Variants in GNG4 observed in about 807,000 individuals in gnomAD.
GNG4 encodes guanine nucleotide-binding protein G(I)/G(S)/G(O) subunit gamma-4.
GNG4 carries 4 observed loss-of-function variants against 5.8 expected under a neutral mutation model. The observed-to-expected ratio is 0.69, with a 90% CI of 0.34 to 1.57. GNG4 has a LOEUF of 1.57. GNG4 is among the 40% of genes most tolerant of loss of function. The pLI is 0.06. For missense variants in GNG4, 96 were observed against 95.1 expected, an observed-to-expected ratio of 1.01 and a Z score of -0.04; for synonymous variants, 29 against 32.9, an observed-to-expected ratio of 0.88 and a Z score of 0.41.
chr1:235,616,421 G>A, intron 1 of GNG4: 1 of 297,792 alleles, frequency 3.4e-6, no homozygotes, highest in Non-Finnish European at 6.5e-6. Context: ...GAGCCTGTGG[G>A]ATGGGAAGTC....
Position 235,565,242 on chromosome 1 carries a change from T to A in GNG4, c.100-13005A>T, listed in dbSNP as rs145747007. On this transcript the variant is annotated intron_variant, in intron 3 of 3. Coordinates refer to ENST00000391854, the MANE Select transcript of GNG4 (RefSeq NM_001098722.2). The stretch of plus-strand genomic sequence containing the variant: ...AGTTGGCCCAGCGCAGTGGCATGCC[T>A]GTAATCCCAGCAATTTGGGAGGCCG... Among the ~76,000 whole-genome samples the A allele has an allele frequency of 1.8e-3, 276 of 152,134 alleles. 3 individuals carry two copies. The highest frequency in any genetic ancestry group is 0.016 in the Admixed American group (238 of 15,288).
At chr1:235,592,155 G>A (rs1187064684) in intron 2 of GNG4, among the ~76,000 whole-genome samples, 1 of 152,142 alleles carries the variant, frequency 6.6e-6, no homozygotes, top group Non-Finnish European at 1.5e-5. Context: ...AGCTGGCACA[G>A]AGACCTCAGA....
rs12027187 is a variant in GNG4, at chr1:235,627,041, G to A, written c.-123+22621C>T. Among the ~76,000 whole-genome samples, 38 of 144,980 alleles carry A rather than the reference G, an allele frequency of 2.6e-4. No homozygotes were observed. In the East Asian group the frequency reaches 7.7e-3, roughly 29 times the overall value. Reference sequence around the variant, plus strand: ...TTAGAGACTGTCTTTGGGACTGGGAGACTTTCTCATGACAAACAAGAGGAA... The same window carrying A: ...TTAGAGACTGTCTTTGGGACTGGGAAACTTTCTCATGACAAACAAGAGGAA... On this transcript the variant is annotated intron_variant, in intron 1 of 3. Coordinates refer to ENST00000391854, the MANE Select transcript of GNG4 (RefSeq NM_001098722.2).
chr1:235,582,716 G>A (rs7537760), intron 3 of GNG4, among the ~76,000 whole-genome samples: 2,807 of 152,232 alleles, frequency 0.018, 93 homozygotes, highest in African/African-American at 0.063. Flanking sequence ...AGTTGGTATC[G>A]GTATGTATGA....
chr1:235,646,935 C>T (rs1272995906), intron 1 of GNG4, among the ~76,000 whole-genome samples: 5 of 152,272 alleles, frequency 3.3e-5, no homozygotes, highest in Non-Finnish European at 5.9e-5. Flanking sequence ...ATGAAAATTT[C>T]ATTTGTGTTT....
At chr1:235,575,242 C>A (rs1687449151) in intron 3 of GNG4, among the ~76,000 whole-genome samples, 1 of 152,202 alleles carries the variant, frequency 6.6e-6, no homozygotes, top group Non-Finnish European at 1.5e-5. Context: ...TGGCAGAAAG[C>A]AATACGCATT....
At chr1:235,621,692 T>C (rs11578738) in intron 1 of GNG4, among the ~76,000 whole-genome samples, 3,358 of 151,544 alleles carry the variant, frequency 0.022, 63 homozygotes, top group Non-Finnish European at 0.034. Context: ...CTTTTTTTTT[T>C]TGGAGACAGA....
chr1:235,589,736 T>C (rs1687915678), intron 2 of GNG4, among the ~76,000 whole-genome samples: 1 of 152,192 alleles, frequency 6.6e-6, no homozygotes, highest in South Asian at 2.1e-4. Context: ...TTTGGCCACC[T>C]TGAGTTGTGT....
At chr1:235,632,289 A>G (rs1449477904) in intron 1 of GNG4, among the ~76,000 whole-genome samples, 1 of 151,674 alleles carries the variant, frequency 6.6e-6, no homozygotes, top group African/African-American at 2.4e-5. Flanking sequence ...GTCTCACTAG[A>G]TTGCTTAGGC....
intron 3 of GNG4, among the ~76,000 whole-genome samples, chr1:235,571,098 C>T (rs1444232185): frequency 6.6e-6 from 1 of 151,272 alleles, no homozygotes; most frequent in African/African-American, 2.4e-5. Flanking sequence ...ACTGTGCTGG[C>T]CTTAAAATAT....
intron 2 of GNG4, among the ~76,000 whole-genome samples, chr1:235,588,339 A>C (rs1285766287): frequency 2.0e-5 from 3 of 152,092 alleles, no homozygotes; most frequent in East Asian, 3.9e-4. Context: ...TGCCACCCAC[A>C]GCCGAGGCCC....
chr1:235,634,045 G>A (rs140320399), intron 1 of GNG4, among the ~76,000 whole-genome samples: 1,571 of 152,318 alleles, frequency 0.01, 16 homozygotes, highest in Non-Finnish European at 0.016. Context: ...GCTCAGATTG[G>A]GGTCCTACAG....
intron 2 of GNG4, among the ~76,000 whole-genome samples, chr1:235,594,322 A>G (rs1289372983): frequency 1.3e-5 from 2 of 152,150 alleles, no homozygotes; most frequent in African/African-American, 4.8e-5. Flanking sequence ...TTAGCTAGAC[A>G]TAAAGTTTCT....
chr1:235,570,862 ATG>A (rs1553365373), intron 3 of GNG4, among the ~76,000 whole-genome samples: 13 of 141,524 alleles, frequency 9.2e-5, no homozygotes, highest in South Asian at 2.3e-4. Flanking sequence ...ATATATATAT[ATG>A]TGTGTGTGTG....
chr1:235,627,756 A>G (rs1237025707), intron 1 of GNG4, among the ~76,000 whole-genome samples: 1 of 152,172 alleles, frequency 6.6e-6, no homozygotes, highest in Non-Finnish European at 1.5e-5. Context: ...ATCAGAGAGG[A>G]AGACTGGAGT....
chr1:235,604,470 GGTCACGCTCCCTCTGA>G (rs971663057), intron 1 of GNG4, among the ~76,000 whole-genome samples: 5 of 152,132 alleles, frequency 3.3e-5, no homozygotes, highest in Non-Finnish European at 7.3e-5. Context: ...GTGTTGGCAG[GGTCACGCTCCCTCTGA>G]AGGCCCCAGG....
chr1:235,600,956 C>T (rs547007318), intron 1 of GNG4, among the ~76,000 whole-genome samples: 1 of 152,326 alleles, frequency 6.6e-6, no homozygotes, highest in East Asian at 1.9e-4. Context: ...ACGCCGTAGC[C>T]AGTCCCTATG....
intron 2 of GNG4, among the ~76,000 whole-genome samples, chr1:235,586,342 T>C (rs1016660231): frequency 1.3e-5 from 2 of 152,186 alleles, no homozygotes; most frequent in Non-Finnish European, 2.9e-5. Context: ...TGCCTGCTCG[T>C]GCAGGCCTTG....
intron 3 of GNG4, among the ~76,000 whole-genome samples, chr1:235,571,515 G>C (rs1489968179): frequency 6.6e-6 from 1 of 152,154 alleles, no homozygotes; most frequent in Non-Finnish European, 1.5e-5. Context: ...TGTTACATTT[G>C]CATGGCATAA....
Sources: gnomAD v4.1 joint callset for allele counts (sites outside exome capture counted in the v4.1 genomes callset) on GRCh38, gnomAD v4.1.1 for gene constraint, MANE v1.5 for transcripts, NCBI Gene and HGNC (gene_info 2026-07-23, HGNC 2026-07-21) for gene names.